Variants in ZNF148 observed in about 807,000 individuals in gnomAD.
ZNF148 encodes zinc finger protein 148.
ZNF148 carries 7 observed loss-of-function variants against 67.7 expected under a neutral mutation model. The observed-to-expected ratio is 0.10, with a 90% CI of 0.06 to 0.19. The LOEUF (loss-of-function observed/expected upper bound fraction) is 0.19, where lower values mean the gene tolerates loss of function less well. ZNF148 is among the 10% of genes least tolerant of loss of function. The pLI, the probability that ZNF148 is intolerant of heterozygous loss-of-function variation, is 1.00. For synonymous variants in ZNF148, 333 were observed against 330.7 expected (o/e 1.01, Z -0.08); for missense variants, 583 against 947.1 (o/e 0.62, Z 5.05).
At chr3:125,238,682 T>C (rs941111416) in intron 7 of ZNF148, among the ~76,000 whole-genome samples, 3 of 152,122 alleles carry the variant, frequency 2.0e-5, no homozygotes, top group African/African-American at 7.2e-5. Context: ...ATGTCTGCTG[T>C]TGGGACTGAG....
At chr3:125,333,160 A>G (rs949342279) in intron 1 of ZNF148, among the ~76,000 whole-genome samples, 4 of 152,218 alleles carry the variant, frequency 2.6e-5, no homozygotes, top group African/African-American at 4.8e-5. Context: ...CATTCCGTTG[A>G]AAACATTTTC....
chr3:125,374,942 T>C (rs1301214738), intron 1 of ZNF148, among the ~76,000 whole-genome samples, 160 bp downstream of exon 1: 2 of 146,848 alleles, frequency 1.4e-5, no homozygotes, highest in Non-Finnish European at 3.0e-5. Context: ...AGCCCCAGCG[T>C]TTCCCTCGGC....
intron 4 of ZNF148, among the ~76,000 whole-genome samples, chr3:125,293,249 T>G (rs1338511688): frequency 6.6e-6 from 1 of 152,120 alleles, no homozygotes; most frequent in Non-Finnish European, 1.5e-5. Flanking sequence ...AGATACATCT[T>G]AACTATACAA....
chr3:125,315,496 C>T (rs1204716043), intron 3 of ZNF148, among the ~76,000 whole-genome samples: 1 of 151,984 alleles, frequency 6.6e-6, no homozygotes, highest in East Asian at 1.9e-4. Flanking sequence ...ATCAGCAGGT[C>T]AGGAGATCGA....
intron 5 of ZNF148, among the ~76,000 whole-genome samples, chr3:125,282,883 C>G (rs1017197542): frequency 4.6e-5 from 7 of 152,134 alleles, no homozygotes; most frequent in Non-Finnish European, 1.0e-4. Context: ...GTTCTGTTTT[C>G]TTAAAAGGCA....
intron 7 of ZNF148, among the ~76,000 whole-genome samples, chr3:125,270,812 G>A (rs1172526352): frequency 1.3e-5 from 2 of 152,092 alleles, no homozygotes; most frequent in Admixed American, 6.5e-5. Flanking sequence ...GGAGGTGGAG[G>A]CTGCAGTGAG....
intron 1 of ZNF148, among the ~76,000 whole-genome samples, chr3:125,331,935 T>C (rs1941307008): frequency 6.6e-6 from 1 of 152,180 alleles, no homozygotes; most frequent in Non-Finnish European, 1.5e-5. Context: ...AGTTGAATTA[T>C]CAGAAATAAA....
At chr3:125,372,490 T>C (rs1244101721) in intron 1 of ZNF148, among the ~76,000 whole-genome samples, 3 of 152,182 alleles carry the variant, frequency 2.0e-5, no homozygotes, top group Non-Finnish European at 2.9e-5. Flanking sequence ...ACTCCGATAA[T>C]GTCATTTTGA....
chr3:125,278,297 T>G (rs974479908), intron 6 of ZNF148, among the ~76,000 whole-genome samples: 1 of 152,130 alleles, frequency 6.6e-6, no homozygotes, highest in Non-Finnish European at 1.5e-5. Flanking sequence ...CTCTCTCTGC[T>G]GGGGCTTTTC....
intron 7 of ZNF148, among the ~76,000 whole-genome samples, chr3:125,260,226 G>T (rs1344360624): frequency 6.6e-6 from 1 of 151,996 alleles, no homozygotes; most frequent in African/African-American, 2.4e-5. Flanking sequence ...ATGACACAGA[G>T]ATAGAAAGTG....
chr3:125,270,326 G>C lies in ZNF148; in HGVS notation c.667+7400C>G, dbSNP rs770643383. Among the ~76,000 whole-genome samples the C allele has an allele frequency of 4.6e-5, 7 of 150,724 alleles. No homozygotes were observed. In the South Asian group the frequency reaches 8.4e-4, roughly 18 times the overall value. On this transcript the variant is annotated intron_variant, in intron 7 of 8. Transcript: ENST00000360647. ...GTTCCAGACCAGCCTGGGATACATA[G>C]GGAGACTCCATCTCTAAAAAAAAAA...
intron 7 of ZNF148, among the ~76,000 whole-genome samples, chr3:125,238,625 C>G (rs1451106583): frequency 2.6e-5 from 4 of 152,026 alleles, no homozygotes; most frequent in Non-Finnish European, 5.9e-5. Context: ...AAGACTCTGT[C>G]TAAAGGAAAA....
chr3:125,285,477 A>G (rs778444585), intron 5 of ZNF148, among the ~76,000 whole-genome samples: 4 of 152,184 alleles, frequency 2.6e-5, no homozygotes, highest in Non-Finnish European at 5.9e-5. Flanking sequence ...GTGGTTAAAA[A>G]ACAGTCCAAA....
At chr3:125,267,305 G>A (rs1937555415) in intron 7 of ZNF148, among the ~76,000 whole-genome samples, 1 of 149,906 alleles carries the variant, frequency 6.7e-6, no homozygotes. Context: ...GATGGAAATA[G>A]ATGCAAAAAT....
chr3:125,282,211 C>A (rs941083342), intron 5 of ZNF148, among the ~76,000 whole-genome samples: 12 of 152,286 alleles, frequency 7.9e-5, no homozygotes, highest in Non-Finnish European at 1.8e-4. Flanking sequence ...GCAAAATTTT[C>A]TTCCCCGGTA....
At chr3:125,374,544 C>T (rs530548058) in intron 1 of ZNF148, among the ~76,000 whole-genome samples, 10 of 152,222 alleles carry the variant, frequency 6.6e-5, no homozygotes, top group Admixed American at 5.2e-4. Context: ...GCCACCTCCC[C>T]GCATTCCTCC....
intron 7 of ZNF148, among the ~76,000 whole-genome samples, chr3:125,256,327 C>T (rs747268393): frequency 3.3e-5 from 5 of 149,684 alleles, no homozygotes; most frequent in Non-Finnish European, 7.4e-5. Context: ...GAGACAGCAC[C>T]ACTGCAGTCT....
intron 2 of ZNF148, 100 bp from the exon 3 acceptor site, chr3:125,323,544 T>C (rs948104648): frequency 4.0e-6 from 2 of 505,524 alleles, no homozygotes; most frequent in African/African-American, 3.9e-5. Flanking sequence ...AAGTGAAAAT[T>C]CTTTCTAAAT....
chr3:125,317,234 C>A (rs1940541543), intron 3 of ZNF148, among the ~76,000 whole-genome samples: 1 of 152,106 alleles, frequency 6.6e-6, no homozygotes, highest in African/African-American at 2.4e-5. Flanking sequence ...AAAATACCAG[C>A]AAGTACTAAG....
Sources: gnomAD v4.1 joint callset for allele counts (sites outside exome capture counted in the v4.1 genomes callset) on GRCh38, gnomAD v4.1.1 for gene constraint, MANE v1.5 for transcripts, NCBI Gene and HGNC (gene_info 2026-07-23, HGNC 2026-07-21) for gene names.